The following SNTN variants were observed in gnomAD, a reference collection of about 807,000 sequenced individuals.
SNTN encodes the protein sentan, cilia apical structure protein.
In SNTN, 13 loss-of-function variants were observed where a neutral mutation model predicts 12.3. That is an observed-to-expected ratio of 1.05 (90% CI 0.69 to 1.67). SNTN has a LOEUF of 1.67. SNTN is among the 40% of genes most tolerant of loss of function. SNTN has a pLI of 0.00. For missense variants in SNTN, 189 were observed against 169.8 expected (o/e 1.11, Z -0.63); for synonymous variants, 69 against 58.5 (o/e 1.18, Z -0.82).
At chr3:63,660,015 T>A in intron 3 of SNTN, 151 bp downstream of exon 3, 1 of 852,776 alleles carries the variant, frequency 1.2e-6, no homozygotes, top group Non-Finnish European at 1.8e-6. Context: ...TGAGCTGCAC[T>A]GGAGTTGATG....
intron 1 of SNTN, 129 bp downstream of exon 1, chr3:63,652,926 G>A (rs542126740): frequency 1.7e-5 from 12 of 718,722 alleles, no homozygotes; most frequent in East Asian, 5.6e-5. Context: ...ACCCTAATCC[G>A]GCTTTAAATT....
Position 63,664,211 on chromosome 3 carries a change from G to A in SNTN, c.*116G>A, listed in dbSNP as rs1700776862. 11 of 1,019,538 alleles carry A rather than the reference G, an allele frequency of 1.1e-5. No individual in the cohort carries two copies. The highest frequency in any genetic ancestry group is 1.5e-5 in the Non-Finnish European group (11 of 718,182). The allele number at this position is 1,019,538 out of a possible 1,614,324, so 63.2% of individuals were successfully genotyped here. On this transcript the variant is annotated 3_prime_UTR_variant, in exon 4 of 4. Transcript: ENST00000343837. ...CATGCATCTGAAATTGCCTAGGATG[G>A]TTCTGATTGCTGGTATTCAGATCCA...
chr3:63,664,030 C>G lies in SNTN; in HGVS notation c.379C>G (p.Leu127Val). ...KLDFEDFMIL[L>V]LSITVMSDLL... is the part of the protein sequence containing the mutation. The stretch of plus-strand genomic sequence containing the variant: ...AGATTTTGAAGACTTCATGATCTTG[C>G]TCTTAAGCATCACTGTCATGTCAGA... Residue 127 changes from leucine (L) to valine (V), a missense_variant, in exon 4 of 4, where the codon CTC becomes GTC. Coordinates refer to ENST00000343837, the MANE Select transcript of SNTN (RefSeq NM_001080537.2). 6.2e-7 allele frequency: 1 copy of G among 1,613,814 alleles called. No individual in the cohort carries two copies. The highest frequency in any genetic ancestry group is 2.2e-5 in the East Asian group (1 of 44,840).
rs1700658239 is a variant in SNTN, at chr3:63,654,791, T to C, written c.140T>C (p.Val47Ala). 3 of 1,613,138 alleles carry C rather than the reference T, an allele frequency of 1.9e-6. No homozygotes were observed. The highest frequency in any genetic ancestry group is 1.3e-5 in the African/African-American group (1 of 74,974). ...RISISKQLAS[V>A]KALRKCSDLE... Reference sequence around the variant, plus strand: ...TCAATATCCAAACAACTGGCTTCAGTGAAAGGTAAGGCACAGATGACGCAG... The same window carrying C: ...TCAATATCCAAACAACTGGCTTCAGCGAAAGGTAAGGCACAGATGACGCAG... Residue 47 changes from valine (V) to alanine (A), a missense_variant, in exon 2 of 4, where the codon GTG becomes GCG. Coordinates refer to ENST00000343837, the MANE Select transcript of SNTN (RefSeq NM_001080537.2).
intron 2 of SNTN, among the ~76,000 whole-genome samples, chr3:63,655,762 G>GT (rs1700672876): frequency 1.3e-5 from 2 of 152,148 alleles, no homozygotes; most frequent in African/African-American, 2.4e-5. Context: ...TCCCCAGAAT[G>GT]TATTTTATTT....
At chr3:63,656,882 T>G (rs968556670) in intron 2 of SNTN, among the ~76,000 whole-genome samples, 1 of 152,158 alleles carries the variant, frequency 6.6e-6, no homozygotes, top group Non-Finnish European at 1.5e-5. Flanking sequence ...AGCAGTTGTG[T>G]GGGCAAGCTA....
chr3:63,657,060 C>A (rs762765735), intron 2 of SNTN, among the ~76,000 whole-genome samples: 1 of 152,110 alleles, frequency 6.6e-6, no homozygotes, highest in African/African-American at 2.4e-5. Flanking sequence ...TATTGTCCAC[C>A]AGAACACAAG....
At chr3:63,660,267 C>A (rs180945889) in intron 3 of SNTN, among the ~76,000 whole-genome samples, 1 of 151,906 alleles carries the variant, frequency 6.6e-6, no homozygotes, top group East Asian at 1.9e-4. Context: ...ATCTGGAGGG[C>A]CAGTTGGTGA....
intron 3 of SNTN, among the ~76,000 whole-genome samples, chr3:63,662,284 A>G (rs142120643): frequency 1.9e-4 from 29 of 152,288 alleles, no homozygotes; most frequent in Non-Finnish European, 3.4e-4. Flanking sequence ...CTCAATCCCC[A>G]TGTTGCGTCC....
intron 1 of SNTN, 97 bp downstream of exon 1, chr3:63,652,894 GC>G: frequency 8.5e-7 from 1 of 1,174,036 alleles, no homozygotes; most frequent in East Asian, 2.5e-5. Context: ...CCAAGTTATT[GC>G]CAGTTTGGTG....
intron 3 of SNTN, among the ~76,000 whole-genome samples, chr3:63,660,645 A>G (rs1231875339): frequency 6.6e-6 from 1 of 152,176 alleles, no homozygotes; most frequent in East Asian, 1.9e-4. Context: ...TGACAACCCA[A>G]TTTCTGACTT....
At chr3:63,659,507 A>G (rs549063807) in intron 2 of SNTN, among the ~76,000 whole-genome samples, 5 of 152,136 alleles carry the variant, frequency 3.3e-5, no homozygotes, top group Non-Finnish European at 7.4e-5. Context: ...GGTAAATCTC[A>G]TATCTAACTC....
rs773533531 is a variant in SNTN at position 63,664,133 on chromosome 3, A to G, written c.*38A>G. ...ATGCTGTATAAAATAATGGCAAAAGACAGTGTTATTAAAATGTTTCCATCT... is the reference window on the plus strand; with the variant it reads ...ATGCTGTATAAAATAATGGCAAAAGGCAGTGTTATTAAAATGTTTCCATCT... On this transcript the variant is annotated 3_prime_UTR_variant, in exon 4 of 4. Transcript: ENST00000343837. 2 of 1,510,356 alleles carry G rather than the reference A, an allele frequency of 1.3e-6. No individual in the cohort carries two copies. Among genetic ancestry groups the G allele is most frequent in the Admixed American group, 4.4e-5 (2 of 45,676 alleles). 93.6% of individuals were successfully genotyped at this position (1,510,356 alleles called of 1,614,324 possible).
intron 3 of SNTN, among the ~76,000 whole-genome samples, chr3:63,661,427 T>C (rs1296555731): frequency 6.6e-6 from 1 of 152,188 alleles, no homozygotes; most frequent in Non-Finnish European, 1.5e-5. Context: ...ACTACAGTTA[T>C]ATAAGATGTC....
At chr3:63,657,618 G>A (rs1045947062) in intron 2 of SNTN, among the ~76,000 whole-genome samples, 1 of 152,116 alleles carries the variant, frequency 6.6e-6, no homozygotes, top group African/African-American at 2.4e-5. Context: ...GGAAAGGCAT[G>A]CTGTTTTTTA....
In SNTN at chr3:63,654,815, A is replaced by G. The variant is rs751511314; in HGVS notation, c.145+19A>G. 2 of 1,610,940 alleles carry G rather than the reference A, an allele frequency of 1.2e-6. No individual in the cohort carries two copies. Among genetic ancestry groups the G allele is most frequent in the Non-Finnish European group, 1.7e-6 (2 of 1,178,354 alleles). On this transcript the variant is annotated intron_variant, in intron 2 of 3. Coordinates refer to ENST00000343837, the MANE Select transcript of SNTN (RefSeq NM_001080537.2). ...GTGAAAGGTAAGGCACAGATGACGC[A>G]GATGTACATTTTTCTCCTCTACCAA...
chr3:63,663,707 C>T, intron 3 of SNTN: 1 of 650,936 alleles, frequency 1.5e-6, no homozygotes, highest in Non-Finnish European at 2.8e-6. Flanking sequence ...CTCCCCTTCA[C>T]CTTCTACCAT....
intron 3 of SNTN, among the ~76,000 whole-genome samples, chr3:63,662,293 C>T (rs1242242583): frequency 1.3e-5 from 2 of 152,288 alleles, no homozygotes; most frequent in East Asian, 3.9e-4. Context: ...CATGTTGCGT[C>T]CCCTGATAAA....
At chr3:63,654,134 T>A (rs1158144) in intron 1 of SNTN, among the ~76,000 whole-genome samples, 1 of 152,122 alleles carries the variant, frequency 6.6e-6, no homozygotes, top group East Asian at 1.9e-4. Flanking sequence ...ACCTGCCTAG[T>A]AACTGTCTTC....
Sources: gnomAD v4.1 joint callset for allele counts (sites outside exome capture counted in the v4.1 genomes callset) on GRCh38, gnomAD v4.1.1 for gene constraint, MANE v1.5 for transcripts, NCBI Gene and HGNC (gene_info 2026-07-23, HGNC 2026-07-21) for gene names.